AMPD1: variants seen among roughly 807,000 people sequenced by gnomAD.
AMPD1 encodes the protein AMP deaminase 1.
Under a neutral mutation model 82.9 loss-of-function variants are expected in AMPD1, and 74 were observed. The ratio of observed to expected loss-of-function variants is 0.89; its 90% CI spans 0.74 to 1.08. The LOEUF is 1.08. Among genes scored for constraint, AMPD1 ranks in the 50% least tolerant of loss-of-function variants. The pLI, the probability that AMPD1 is intolerant of heterozygous loss-of-function variation, is 0.00. For missense variants in AMPD1, 881 were observed against 924.5 expected, an observed-to-expected ratio of 0.95 and a Z score of 0.61; for synonymous variants, 333 against 320.5, an observed-to-expected ratio of 1.04 and a Z score of -0.42.
Position 114,673,673 on chromosome 1 carries a change from C to T in AMPD1, c.2051G>A (p.Arg684Lys), listed in dbSNP as rs1657897790. 3.7e-6 allele frequency: 6 copies of T among 1,613,950 alleles called. No homozygotes were observed. In the South Asian group the frequency reaches 5.5e-5, roughly 15 times the overall value. ...AATTCCACACTGCAAGACACTGTTC[C>T]TTGCCACTTCGCACATATCACAGGT... ...LSTCDMCEVARNSVLQCGISH... is the reference protein window; with the variant it reads ...LSTCDMCEVAKNSVLQCGISH... Residue 684 changes from arginine to lysine, a missense_variant, in exon 15 of 16, where the codon AGG (arginine) becomes AAG (lysine). Arg to Lys is a conservative substitution (Grantham distance 26, BLOSUM62 2). Transcript: ENST00000520113.
intron 7 of AMPD1, 98 bp downstream of exon 7, chr1:114,679,481 C>A: frequency 6.6e-7 from 1 of 1,525,838 alleles, no homozygotes; most frequent in Non-Finnish European, 9.1e-7. Flanking sequence ...CTGTAGAAAT[C>A]TTAGATTAAT....
intron 9 of AMPD1, 132 bp downstream of exon 9, chr1:114,677,778 C>T (rs1424468588): frequency 1.7e-6 from 1 of 605,248 alleles, no homozygotes; most frequent in Non-Finnish European, 3.0e-6. Flanking sequence ...CCCTCCCTTC[C>T]TTCCTTCTTT....
At chr1:114,677,843 T>TTCCG in intron 9 of AMPD1, 67 bp downstream of exon 9, 1 of 1,337,548 alleles carries the variant, frequency 7.5e-7, no homozygotes. Context: ...CCTTCCTTCC[T>TTCCG]TCCTTCCTTC....
Position 114,680,438 on chromosome 1 carries a change from T to C in AMPD1, c.588A>G (p.Arg196=), listed in dbSNP as rs1658124741. The stretch of plus-strand genomic sequence containing the variant: ...CCAGGTTTTCAGGAAGGTTGTCTGT[T>C]CGGAAGGGGTCCTCTCCCTTCTTCA... ...PPVKKGEDPF[R]TDNLPENLGY... Residue 196 remains arginine (R), a synonymous_variant, in exon 6 of 16, where the codon CGA becomes CGG. Coordinates refer to ENST00000520113, the MANE Select transcript of AMPD1 (RefSeq NM_000036.3). 1 of 1,614,190 alleles carries C rather than the reference T, an allele frequency of 6.2e-7. No homozygotes were observed. The highest frequency in any genetic ancestry group is 8.5e-7 in the Non-Finnish European group (1 of 1,180,032).
chr1:114,680,285 T>TA lies in AMPD1; in HGVS notation c.740dup (p.Leu247PhefsTer11). The TA allele has an allele frequency of 8.1e-6, 13 of 1,614,026 alleles. No homozygotes were observed. The highest frequency in any genetic ancestry group is 1.1e-5 in the South Asian group (1 of 91,070). The stretch of plus-strand genomic sequence containing the variant: ...CAGGTCCTTGAGCAATTAAAGCAAG[T>TA]AAAAAATTCATATCGTCTAAGAAGG... On this transcript the variant is annotated frameshift_variant, in exon 6 of 16. Transcript: ENST00000520113. LOFTEE classifies it high-confidence loss of function.
At chr1:114,693,895 C>A (rs557317677) in intron 1 of AMPD1, among the ~76,000 whole-genome samples, 78 of 152,176 alleles carry the variant, frequency 5.1e-4, no homozygotes, top group Non-Finnish European at 8.8e-4. Flanking sequence ...TCAGAACATA[C>A]TTATACTTAA....
At position 114,674,770 on chromosome 1, in the gene AMPD1, A is replaced by G. The variant is rs747299499; in HGVS notation, c.1782T>C (p.His594=). 39 of 1,613,732 alleles carry G rather than the reference A, an allele frequency of 2.4e-5. No homozygotes were observed. The highest frequency in any genetic ancestry group is 3.1e-5 in the Non-Finnish European group (37 of 1,179,716). Residue 594 remains histidine, a synonymous_variant, in exon 13 of 16, where the codon CAT becomes CAC. Transcript: ENST00000520113. ...TAFMIADDIS[H]GLNLKKSPVL... Reference sequence around the variant, plus strand: ...AACTCACCTTTTTTAAATTTAGGCCATGAGAGATATCATCTGCTATCATGA... The same window carrying G: ...AACTCACCTTTTTTAAATTTAGGCCGTGAGAGATATCATCTGCTATCATGA...
At chr1:114,685,307 T>C (rs935877872) in intron 4 of AMPD1, among the ~76,000 whole-genome samples, 3 of 152,074 alleles carry the variant, frequency 2.0e-5, no homozygotes, top group African/African-American at 7.2e-5. Flanking sequence ...GAGAGCTGGG[T>C]CTTATTCACC....
At chr1:114,688,834 G>T in intron 2 of AMPD1, 93 bp from the exon 3 acceptor site, 1 of 1,411,980 alleles carries the variant, frequency 7.1e-7, no homozygotes, top group Non-Finnish European at 1.0e-6. Flanking sequence ...CAAGGACTGT[G>T]CTGCGTGCAT....
At chr1:114,691,853 AG>A (rs1467034125) in intron 2 of AMPD1, among the ~76,000 whole-genome samples, 1 of 152,118 alleles carries the variant, frequency 6.6e-6, no homozygotes, top group African/African-American at 2.4e-5. Context: ...TGAACTCGGG[AG>A]GTGGAGCTTG....
At chr1:114,687,258 T>C (rs530673619) in intron 3 of AMPD1, among the ~76,000 whole-genome samples, 1 of 152,266 alleles carries the variant, frequency 6.6e-6, no homozygotes, top group East Asian at 1.9e-4. Flanking sequence ...ATTTTATTCA[T>C]GTTCCTTAAA....
intron 2 of AMPD1, among the ~76,000 whole-genome samples, chr1:114,692,906 G>A (rs1658555399): frequency 1.3e-5 from 2 of 151,654 alleles, no homozygotes; most frequent in South Asian, 4.2e-4. Context: ...GCTGAAGCGG[G>A]CAGATCACTT....
At chr1:114,674,218 G>A (rs1657916400) in intron 13 of AMPD1, 136 bp from the exon 14 acceptor site, 7 of 753,996 alleles carry the variant, frequency 9.3e-6, no homozygotes, top group East Asian at 5.4e-5. Context: ...TCTTAGTAAG[G>A]AGAATTTAGG....
At chr1:114,686,110 C>T (rs1304824156) in intron 4 of AMPD1, among the ~76,000 whole-genome samples, 2 of 152,150 alleles carry the variant, frequency 1.3e-5, no homozygotes, top group African/African-American at 4.8e-5. Flanking sequence ...CATGACTTTA[C>T]TATCCCTGTG....
At position 114,679,637 on chromosome 1, in the gene AMPD1, A is replaced by G. The variant is rs1163079423; in HGVS notation, c.839T>C (p.Met280Thr). ...KFQVHQMLNEMDELKELKNNP... is the reference protein window; with the variant it reads ...KFQVHQMLNETDELKELKNNP... ...GTTTTTCAGCTCCTTTAACTCGTCC[A>G]TCTCGTTAAGCATCTGATGGACCTG... Residue 280 changes from methionine to threonine, a missense_variant, in exon 7 of 16, where the codon ATG becomes ACG. By Grantham distance (81) the Met-to-Thr change is moderately conservative. Around this residue, in one of 2 missense-constraint regions of AMPD1, gnomAD observed 783 missense variants for 786.4 expected, o/e 1.00. Transcript: ENST00000520113. 1 of 1,613,948 alleles carries G rather than the reference A, an allele frequency of 6.2e-7. No homozygotes were observed. The highest frequency in any genetic ancestry group is 1.3e-5 in the African/African-American group (1 of 74,884).
chr1:114,693,117 AAAATAAAT>A (rs10601370), intron 2 of AMPD1, among the ~76,000 whole-genome samples: 3,797 of 138,158 alleles, frequency 0.027, 81 homozygotes, highest in Middle Eastern at 0.061. Context: ...CATCCATCTC[AAAATAAAT>A]AAATAAATAA....
In AMPD1 at chr1:114,684,188, A is replaced by G; in HGVS notation, c.547+11T>C. ...AAATATGTTTCATACATTATGTAAGAGAATTGTTACCTGGATAGAAGCTCT... is the reference window on the plus strand; with the variant it reads ...AAATATGTTTCATACATTATGTAAGGGAATTGTTACCTGGATAGAAGCTCT... On this transcript the variant is annotated intron_variant, in intron 5 of 15. Transcript: ENST00000520113. 3 of 1,613,806 alleles carry G rather than the reference A, an allele frequency of 1.9e-6. No homozygotes were observed. Among genetic ancestry groups the G allele is most frequent in the East Asian group, 2.2e-5 (1 of 44,884 alleles).
chr1:114,684,226 A>C lies in AMPD1; in HGVS notation c.520T>G (p.Trp174Gly), dbSNP rs370236380. The C allele has an allele frequency of 2.5e-6, 4 of 1,614,208 alleles. No homozygotes were observed. The highest frequency in any genetic ancestry group is 2.5e-6 in the Non-Finnish European group (3 of 1,180,038). Residue 174 changes from tryptophan (W) to glycine (G), a missense_variant, in exon 5 of 16, where the codon TGG becomes GGG. Coordinates refer to ENST00000520113, the MANE Select transcript of AMPD1 (RefSeq NM_000036.3). ...KYLRNIDGEAWVANESFYPVF... is the reference protein window; with the variant it reads ...KYLRNIDGEAGVANESFYPVF... ...GGATAGAAGCTCTCATTTGCTACCC[A>C]AGCCTCACCATCAATGTTCCGCAAG...
In AMPD1 at chr1:114,688,581, G is replaced by A. The variant is rs150208948; in HGVS notation, c.195C>T (p.Ser65=). ...QAHIFHLETL[S]TSTEARRKKR... The stretch of plus-strand genomic sequence containing the variant: ...CTTACCTCCTGGCTTCTGTGGAGGT[G>A]GACAGAGTCTCCAGATGGAATATGT... The change falls in exon 3 of 16, where the codon TCC becomes TCT. Residue 65 remains serine, a synonymous_variant. Coordinates refer to ENST00000520113, the MANE Select transcript of AMPD1 (RefSeq NM_000036.3). 4.4e-4 allele frequency: 707 copies of A among 1,614,124 alleles called. No homozygotes were observed. Among genetic ancestry groups the A allele is most frequent in the Non-Finnish European group, 4.1e-4 (487 of 1,180,034 alleles).
Sources: allele counts gnomAD v4.1 joint callset (sites outside exome capture counted in the v4.1 genomes callset), GRCh38; gene constraint gnomAD v4.1.1; regional missense constraint gnomAD v4.1.1; transcripts MANE v1.5; gene names NCBI Gene and HGNC (gene_info 2026-07-23, HGNC 2026-07-21).